Variants in PLPPR4 observed in about 807,000 individuals in gnomAD.
PLPPR4 encodes the protein phospholipid phosphatase related 4.
Under a neutral mutation model 56.6 loss-of-function variants are expected in PLPPR4, and 24 were observed. That is an observed-to-expected ratio of 0.42 (90% confidence interval 0.31 to 0.60). The LOEUF is 0.60. Among genes scored for constraint, PLPPR4 ranks in the 20% least tolerant of loss-of-function variants. The pLI is 0.13. For synonymous variants in PLPPR4, 326 were observed against 328.1 expected (o/e 0.99, Z 0.07); for missense variants, 654 against 885.8 (o/e 0.74, Z 3.32).
Position 99,304,515 on chromosome 1 carries a change from A to G in PLPPR4, c.823-1170A>G, listed in dbSNP as rs147163402. 2.7e-3 allele frequency among the ~76,000 whole-genome samples: 412 copies of G among 152,318 alleles called. 2 individuals are homozygous for G. The highest frequency in any genetic ancestry group is 9.4e-3 in the African/African-American group (389 of 41,578). On this transcript the variant is annotated intron_variant, in intron 6 of 6. Transcript: ENST00000370185. ...AGGATCTTCCCCAACTTACAAATTT[A>G]AGTACAATTATTAATAGAACATGAG...
intron 1 of PLPPR4, among the ~76,000 whole-genome samples, chr1:99,279,355 T>TATTATGTCACATTTGCCTGAC (rs1659267701): frequency 6.6e-6 from 1 of 152,198 alleles, no homozygotes; most frequent in Non-Finnish European, 1.5e-5. Context: ...TGATACTTTA[T>TATTATGTCACATTTGCCTGAC]ATTAGAAATC....
intron 1 of PLPPR4, among the ~76,000 whole-genome samples, chr1:99,277,630 G>A (rs1052033547): frequency 6.6e-6 from 1 of 151,764 alleles, no homozygotes; most frequent in Non-Finnish European, 1.5e-5. Context: ...CAATGATTTT[G>A]CCATTCTTCT....
At chr1:99,274,937 T>G (rs1659144637) in intron 1 of PLPPR4, among the ~76,000 whole-genome samples, 1 of 152,192 alleles carries the variant, frequency 6.6e-6, no homozygotes, top group South Asian at 2.1e-4. Context: ...TTATGCTTTC[T>G]AAAAATGATG....
At chr1:99,265,402 T>C (rs1383209006) in intron 1 of PLPPR4, among the ~76,000 whole-genome samples, 1 of 152,214 alleles carries the variant, frequency 6.6e-6, no homozygotes, top group Non-Finnish European at 1.5e-5. Context: ...TGCAGATGTA[T>C]CCGTAATGAC....
chr1:99,277,494 T>C (rs1659220748), intron 1 of PLPPR4, among the ~76,000 whole-genome samples: 1 of 152,202 alleles, frequency 6.6e-6, no homozygotes, highest in African/African-American at 2.4e-5. Flanking sequence ...ATGTTTTCCT[T>C]GCAAATTGAT....
In PLPPR4 at chr1:99,296,854, T is replaced by A; in HGVS notation, c.381T>A (p.Ala127=). 1 of 1,583,364 alleles carries A rather than the reference T, an allele frequency of 6.3e-7. No homozygotes were observed. Among genetic ancestry groups the A allele is most frequent in the Non-Finnish European group, 8.6e-7 (1 of 1,159,838 alleles). ...GCNFNSFLRR[A]VRFVGVHVFG... ...ACTTCAATTCCTTCCTCAGACGAGC[T>A]GTCAGATTCGTTGGTGGGTGTGGGG... Residue 127 remains alanine (A), a synonymous_variant, in exon 3 of 7, where the codon GCT becomes GCA. Coordinates refer to ENST00000370185, the MANE Select transcript of PLPPR4 (RefSeq NM_014839.5).
intron 1 of PLPPR4, among the ~76,000 whole-genome samples, chr1:99,271,844 G>A (rs1659065837): frequency 6.7e-6 from 1 of 150,128 alleles, no homozygotes; most frequent in South Asian, 2.1e-4. Context: ...ACAGAGAGAG[G>A]TCAAGTCAAG....
chr1:99,271,899 AGTGTGTGTGTGTGTGTGT>A (rs553822029), intron 1 of PLPPR4, among the ~76,000 whole-genome samples: 3 of 117,950 alleles, frequency 2.5e-5, no homozygotes, highest in Non-Finnish European at 5.4e-5. Context: ...GTAGGAGTGA[AGTGTGTGTGTGTGTGTGT>A]GTGTGTGTGT....
At chr1:99,276,237 TAG>T (rs1659182482) in intron 1 of PLPPR4, among the ~76,000 whole-genome samples, 1 of 152,096 alleles carries the variant, frequency 6.6e-6, no homozygotes, top group Non-Finnish European at 1.5e-5. Context: ...GAGACAAGCT[TAG>T]AGGGAAGAGA....
intron 1 of PLPPR4, among the ~76,000 whole-genome samples, chr1:99,272,717 A>G (rs888185291): frequency 6.6e-5 from 10 of 152,168 alleles, no homozygotes; most frequent in Admixed American, 2.0e-4. Context: ...TCTCTAACAG[A>G]GAGTACAGGG....
chr1:99,272,159 A>G (rs1384640682), intron 1 of PLPPR4, among the ~76,000 whole-genome samples: 1 of 152,224 alleles, frequency 6.6e-6, no homozygotes, highest in Non-Finnish European at 1.5e-5. Context: ...AAAGGTGAGG[A>G]AATGTCTCAC....
intron 1 of PLPPR4, among the ~76,000 whole-genome samples, chr1:99,278,691 TA>T (rs1659251581): frequency 6.6e-6 from 1 of 152,188 alleles, no homozygotes; most frequent in Admixed American, 6.5e-5. Flanking sequence ...CAAAACCAAC[TA>T]CCCCAAGCCT....
chr1:99,287,629 T>G (rs975178024), intron 1 of PLPPR4, among the ~76,000 whole-genome samples: 1 of 152,162 alleles, frequency 6.6e-6, no homozygotes, highest in Non-Finnish European at 1.5e-5. Flanking sequence ...GATTTGCATT[T>G]TTCTGATTAT....
chr1:99,287,397 G>A (rs1258916312), intron 1 of PLPPR4, among the ~76,000 whole-genome samples: 3 of 152,078 alleles, frequency 2.0e-5, no homozygotes, highest in Non-Finnish European at 4.4e-5. Context: ...ATTCCTTTGG[G>A]TATATACCCA....
At chr1:99,283,877 G>A (rs1328580293) in intron 1 of PLPPR4, among the ~76,000 whole-genome samples, 1 of 152,112 alleles carries the variant, frequency 6.6e-6, no homozygotes, top group Non-Finnish European at 1.5e-5. Flanking sequence ...GCTTGAACTC[G>A]GGAGGTGGAG....
chr1:99,265,504 C>T (rs1476637390), intron 1 of PLPPR4, among the ~76,000 whole-genome samples: 3 of 152,142 alleles, frequency 2.0e-5, no homozygotes, highest in Admixed American at 2.0e-4. Context: ...GTGTACTGTG[C>T]TCCATTGCAT....
At chr1:99,302,629 G>A (rs1052845196) in intron 6 of PLPPR4, among the ~76,000 whole-genome samples, 1 of 148,318 alleles carries the variant, frequency 6.7e-6, no homozygotes, top group Non-Finnish European at 1.5e-5. Context: ...TCGTCATTTA[G>A]CATTAGGTAT....
In PLPPR4 at chr1:99,306,205, GTCCTGGCAA is replaced by G. The variant is rs754523260; in HGVS notation, c.1346_1354del (p.Pro449_Asn451del). Reference sequence around the variant, plus strand: ...GTAGGGGTGAATGGAGACCACCATGGTCCTGGCAATCAGTACCTCAAAATCCAGCCTGGC... The same window carrying G: ...GTAGGGGTGAATGGAGACCACCATGGTCAGTACCTCAAAATCCAGCCTGGC... On this transcript the variant is annotated inframe_deletion, in exon 7 of 7. Transcript: ENST00000370185. The surrounding 1 kb of genome is among the most constrained non-coding windows in gnomAD (Gnocchi z 4.0). 2 of 1,614,094 alleles carry G rather than the reference GTCCTGGCAA, an allele frequency of 1.2e-6. No homozygotes were observed. The highest frequency in any genetic ancestry group is 8.5e-7 in the Non-Finnish European group (1 of 1,180,012).
At chr1:99,278,806 T>C (rs929480703) in intron 1 of PLPPR4, among the ~76,000 whole-genome samples, 3 of 152,250 alleles carry the variant, frequency 2.0e-5, no homozygotes, top group African/African-American at 4.8e-5. Context: ...GCTGTAAAGA[T>C]GTAGTTTCAT....
Sources: allele counts gnomAD v4.1 joint callset (sites outside exome capture counted in the v4.1 genomes callset), GRCh38; gene constraint gnomAD v4.1.1; non-coding constraint Gnocchi (gnomAD v3.1); transcripts MANE v1.5; gene names NCBI Gene and HGNC (gene_info 2026-07-23, HGNC 2026-07-21).